The following PSG4 variants were observed in gnomAD, a reference collection of about 807,000 sequenced individuals.
The protein encoded by PSG4 is pregnancy specific beta-1-glycoprotein 4.
PSG4 carries 61 observed loss-of-function variants against 44.3 expected under a neutral mutation model. The ratio of observed to expected loss-of-function variants is 1.38; its 90% CI spans 1.12 to 1.70. The LOEUF (loss-of-function observed/expected upper bound fraction) is 1.70. PSG4 is among the 40% of genes most tolerant of loss of function. The pLI is 0.00. For missense variants in PSG4, 677 were observed against 511.7 expected (o/e 1.32, Z -3.12); for synonymous variants, 248 against 191.3 (o/e 1.30, Z -2.45).
rs1463558485 is a variant in PSG4, at chr19:43,194,522, C to G, written c.1061G>C (p.Cys354Ser). 1 of 1,612,514 alleles carries G rather than the reference C, an allele frequency of 6.2e-7. No individual in the cohort carries two copies. Among genetic ancestry groups the G allele is most frequent in the African/African-American group, 1.3e-5 (1 of 74,678 alleles). Residue 354 changes from cysteine to serine, a missense_variant, in exon 5 of 6, where the codon TGC (cysteine) becomes TCC (serine). Cys to Ser is a moderately radical substitution (Grantham distance 112, BLOSUM62 -1). Transcript: ENST00000405312. ...YRSGENLYLS[C>S]FAESNPRAQY... Reference sequence around the variant, plus strand: ...TGCCCGTGGGTTAGACTCGGCGAAGCAGGACAAGTAGAGGTTTTCTCCTGA... The same window carrying G: ...TGCCCGTGGGTTAGACTCGGCGAAGGAGGACAAGTAGAGGTTTTCTCCTGA...
rs1283241345 is a variant in PSG4, at chr19:43,192,849, A to G, written c.*523T>C. 4.1e-6 allele frequency: 1 copy of G among 245,220 alleles called. No homozygotes were observed. Among genetic ancestry groups the G allele is most frequent in the East Asian group, 7.8e-5 (1 of 12,888 alleles). The allele number at this position is 245,220 out of a possible 1,614,324, so 15.2% of individuals were successfully genotyped here. A position where few individuals can be genotyped will look rare whatever the true frequency, so the allele number is the denominator to read the frequency against. On this transcript the variant is annotated 3_prime_UTR_variant, in exon 6 of 6. Transcript: ENST00000405312. ...TAATTTCAGCTTTCCTACTCTTTAT[A>G]GAAACCATCTTCTCTGCAAACACAC...
Position 43,195,260 on chromosome 19 carries a change from C to G in PSG4, c.723G>C (p.Lys241Asn). Residue 241 changes from lysine to asparagine, a missense_variant, in exon 4 of 6, where the codon AAG becomes AAC. By Grantham distance (94) the Lys-to-Asn change is moderately conservative (BLOSUM62 0). Transcript: ENST00000405312. The part of the protein sequence containing the change: ...VTLNLLPKLS[K>N]PYITINNLNP... ...TTAAGTTGTTGATTGTGATGTAGGG[C>G]TTGGACAGCTTTGCTGTGTGGATAA... 6.2e-7 allele frequency: 1 copy of G among 1,610,388 alleles called. No homozygotes were observed. The highest frequency in any genetic ancestry group is 1.1e-5 in the South Asian group (1 of 90,940).
Position 43,193,355 on chromosome 19 carries a change from G to A in PSG4, c.*17C>T, listed in dbSNP as rs770929074. ...TGATTCCATGGGAGAAAATGGAATT[G>A]GAGGAACTAGTAGAATTCAGGGTAA... On this transcript the variant is annotated 3_prime_UTR_variant, in exon 6 of 6. Transcript: ENST00000405312. The A allele has an allele frequency of 1.4e-5, 11 of 775,078 alleles. 1 individual carries two copies. The highest frequency in any genetic ancestry group is 2.4e-5 in the Non-Finnish European group (10 of 417,626). 48.0% of individuals were successfully genotyped at this position (775,078 alleles called of 1,614,324 possible).
At position 43,204,145 on chromosome 19, in the gene PSG4, A is replaced by G; in HGVS notation, c.171T>C (p.Asn57=). ...EGKDVLLLVH[N]LPQNLAGYIW... The stretch of plus-strand genomic sequence containing the variant: ...TGTAGCCAGCAAGATTCTGGGGCAA[A>G]TTGTGGACAAGTAGAAGAACATCCT... Residue 57 remains asparagine (N), a synonymous_variant, in exon 2 of 6, where the codon AAT becomes AAC. Coordinates refer to ENST00000405312, the MANE Select transcript of PSG4 (RefSeq NM_002780.5). The G allele has an allele frequency of 6.3e-7, 1 of 1,587,240 alleles. No homozygotes were observed. The highest frequency in any genetic ancestry group is 8.5e-7 in the Non-Finnish European group (1 of 1,171,672).
At position 43,205,199 on chromosome 19, in the gene PSG4, G is replaced by A. The variant is rs372373719; in HGVS notation, c.64+274C>T. Among the ~76,000 whole-genome samples, 15 of 127,484 alleles carry A rather than the reference G, an allele frequency of 1.2e-4. 1 individual carries two copies. Among genetic ancestry groups the A allele is most frequent in the African/African-American group, 3.9e-4 (12 of 31,064 alleles). 83.6% of individuals were successfully genotyped at this position (127,484 alleles called of 152,430 possible). ...CTTGGCTAGCTGCAACTTCTGCCTC[G>A]TGGGTGCACGTGATTCTCCTGCCAC... On this transcript the variant is annotated intron_variant, in intron 1 of 5. Coordinates refer to ENST00000405312, the MANE Select transcript of PSG4 (RefSeq NM_002780.5).
intron 2 of PSG4, among the ~76,000 whole-genome samples, chr19:43,201,005 A>G (rs948952905): frequency 2.1e-5 from 3 of 146,124 alleles, no homozygotes; most frequent in South Asian, 2.1e-4. Flanking sequence ...GCTGCATAGC[A>G]GGTTGAGGAT....
rs1967734500 is a variant in PSG4, at chr19:43,205,332, C to G, written c.64+141G>C. ...CAGTGTTGGCCAGACTGATCTTGAA[C>G]TCCTGATCTCCTGATCCACCCAACT... On this transcript the variant is annotated intron_variant, in intron 1 of 5. Transcript: ENST00000405312. The G allele has an allele frequency of 5.6e-6, 6 of 1,063,472 alleles. No individual in the cohort carries two copies. In the Admixed American group the frequency reaches 7.1e-5, roughly 13 times the overall value. The allele number at this position is 1,063,472 out of a possible 1,614,324, so 65.9% of individuals were successfully genotyped here. A position where few individuals can be genotyped will look rare whatever the true frequency, so the allele number is the denominator to read the frequency against.
rs1246197856 is a variant in PSG4 at position 43,198,429 on chromosome 19, A to G, written c.431-154T>C. 1.4e-5 allele frequency among the ~76,000 whole-genome samples: 2 copies of G among 145,750 alleles called. 1 individual carries two copies. Among genetic ancestry groups the G allele is most frequent in the African/African-American group, 5.2e-5 (2 of 38,118 alleles). ...GTGTGTTAAAGACAGATGCATGGCA[A>G]TCTGAGAGCTCAGAGATTGTGAGGC... On this transcript the variant is annotated intron_variant, in intron 2 of 5. Coordinates refer to ENST00000405312, the MANE Select transcript of PSG4 (RefSeq NM_002780.5).
Position 43,205,467 on chromosome 19 carries a change from C to T in PSG4, c.64+6G>A, listed in dbSNP as rs34341467. 858,134 of 1,481,096 alleles carry T rather than the reference C, an allele frequency of 0.58. 269,253 individuals are homozygous for T. The highest frequency in any genetic ancestry group is 0.9 in the East Asian group (29,606 of 32,880). The allele number at this position is 1,481,096 out of a possible 1,614,324, so 91.7% of individuals were successfully genotyped here. ...CCTGTCCTCTCCCAGGAAGTTCTCTCCTCACCTGTGAGCAGGACCCCCTTC... is the reference window on the plus strand; with the variant it reads ...CCTGTCCTCTCCCAGGAAGTTCTCTTCTCACCTGTGAGCAGGACCCCCTTC... On this transcript the variant is annotated splice_donor_region_variant and intron_variant, in intron 1 of 5. Transcript: ENST00000405312.
At position 43,200,639 on chromosome 19, in the gene PSG4, G is replaced by A. The variant is rs567777942; in HGVS notation, c.431-2364C>T. Among the ~76,000 whole-genome samples, 31 of 145,010 alleles carry A rather than the reference G, an allele frequency of 2.1e-4. 4 individuals are homozygous for A. The highest frequency in any genetic ancestry group is 3.3e-4 in the Non-Finnish European group (22 of 67,048). ...TGCCCAGGCTGGAGTGCAGTGGCATGATCTCAGCTCACTGCAAGCTCCACC... is the reference window on the plus strand; with the variant it reads ...TGCCCAGGCTGGAGTGCAGTGGCATAATCTCAGCTCACTGCAAGCTCCACC... On this transcript the variant is annotated intron_variant, in intron 2 of 5. Transcript: ENST00000405312.
chr19:43,203,439 C>T (rs571621008), intron 2 of PSG4: 1 of 165,106 alleles, frequency 6.1e-6, no homozygotes, highest in South Asian at 1.5e-4. Flanking sequence ...AGGAACAACC[C>T]AGCACTGGCA....
chr19:43,199,025 C>T (rs1412093793), intron 2 of PSG4: 4 of 146,352 alleles, frequency 2.7e-5, no homozygotes, highest in Non-Finnish European at 5.9e-5. Flanking sequence ...CTCGCTTCCC[C>T]CTGTAGAGGG....
In PSG4 at chr19:43,195,131, G is replaced by A. The variant is rs758294492; in HGVS notation, c.852C>T (p.Pro284=). Residue 284 remains proline, a synonymous_variant, in exon 4 of 6, where the codon CCC becomes CCT. Transcript: ENST00000405312. ...WLNGQSLPVS[P]RVKRPIENRI... is the part of the protein sequence containing the mutation. ...TGTTTTCAATGGGTCGCTTTACCCTGGGACTGACAGGGAGGCTCTGACCAT... is the reference window on the plus strand; with the variant it reads ...TGTTTTCAATGGGTCGCTTTACCCTAGGACTGACAGGGAGGCTCTGACCAT... 6.2e-7 allele frequency: 1 copy of A among 1,610,518 alleles called. No homozygotes were observed. The highest frequency in any genetic ancestry group is 1.7e-5 in the Admixed American group (1 of 59,860).
At chr19:43,199,721 A>G (rs1276010656) in intron 2 of PSG4, among the ~76,000 whole-genome samples, 1 of 145,280 alleles carries the variant, frequency 6.9e-6, no homozygotes, top group Non-Finnish European at 1.5e-5. Context: ...TCTAGTAACA[A>G]AAAAAAATTT....
chr19:43,204,658 T>A (rs974819893), intron 1 of PSG4: 2 of 231,020 alleles, frequency 8.7e-6, no homozygotes, highest in South Asian at 5.2e-5. Flanking sequence ...TGTCAACACC[T>A]GATCTCACAT....
At position 43,205,603 on chromosome 19, in the gene PSG4, G is replaced by A. The variant is rs1417250878; in HGVS notation, c.-67C>T. On this transcript the variant is annotated 5_prime_UTR_variant, in exon 1 of 6. Transcript: ENST00000405312. ...TAGGATCCAGAAGCTTCCTGAGTAC[G>A]GCTGTCAGCTGTGCTGTCCTTCCTC... 24 of 1,439,794 alleles carry A rather than the reference G, an allele frequency of 1.7e-5. 2 individuals carry two copies. Among genetic ancestry groups the A allele is most frequent in the South Asian group, 9.8e-5 (8 of 81,914 alleles). The allele number at this position is 1,439,794 out of a possible 1,614,324, so 89.2% of individuals were successfully genotyped here.
Position 43,197,950 on chromosome 19 carries a change from G to A in PSG4, c.709+47C>T, listed in dbSNP as rs772009289. ...TGAGAGGCCTGGCCTCTGGCCATGT[G>A]TATTTGGGATGGCAGCCTGGCTCAC... On this transcript the variant is annotated intron_variant, in intron 3 of 5. Transcript: ENST00000405312. 6 of 1,586,446 alleles carry A rather than the reference G, an allele frequency of 3.8e-6. No individual in the cohort carries two copies. In the Admixed American group the frequency reaches 5.1e-5, roughly 14 times the overall value.
intron 3 of PSG4, among the ~76,000 whole-genome samples, chr19:43,196,155 G>A (rs1290543100): frequency 1.3e-5 from 2 of 151,756 alleles, no homozygotes; most frequent in South Asian, 2.1e-4. Flanking sequence ...CATGGACCAT[G>A]TGTGTTTGAT....
chr19:43,196,045 T>G (rs914410870), intron 3 of PSG4, among the ~76,000 whole-genome samples: 3 of 151,344 alleles, frequency 2.0e-5, no homozygotes, highest in African/African-American at 4.9e-5. Context: ...AGAGGGCAGG[T>G]GAGGACCATG....
Sources: allele counts gnomAD v4.1 joint callset (sites outside exome capture counted in the v4.1 genomes callset), GRCh38; gene constraint gnomAD v4.1.1; transcripts MANE v1.5; gene names NCBI Gene and HGNC (gene_info 2026-07-23, HGNC 2026-07-21).